Variants in EMID1 observed in about 807,000 individuals in gnomAD.
The protein encoded by EMID1 is EMI domain containing 1.
EMID1 carries 40 observed loss-of-function variants against 60.6 expected under a neutral mutation model. The ratio of observed to expected loss-of-function variants is 0.66; its 90% confidence interval spans 0.51 to 0.86. The LOEUF (loss-of-function observed/expected upper bound fraction) is 0.86. EMID1 is among the 40% of genes least tolerant of loss of function. EMID1 has a pLI of 0.00. For synonymous variants in EMID1, 242 were observed against 231.0 expected (o/e 1.05, Z -0.43); for missense variants, 585 against 597.1 (o/e 0.98, Z 0.21).
chr22:29,206,036 A>T lies in EMID1; in HGVS notation c.-3A>T. 8.2e-7 allele frequency: 1 copy of T among 1,224,270 alleles called. No individual in the cohort carries two copies. The highest frequency in any genetic ancestry group is 1.0e-6 in the Non-Finnish European group (1 of 983,120). The allele number at this position is 1,224,270 out of a possible 1,614,324, so 75.8% of individuals were successfully genotyped here. On this transcript the variant is annotated 5_prime_UTR_variant, in exon 1 of 15. Coordinates refer to ENST00000334018, the MANE Select transcript of EMID1 (RefSeq NM_133455.4). ...GCCGCGCGCGGAGGGCGCCTGGTGC[A>T]GCATGGGCGGCCCGCGGGCTTGGGC...
chr22:29,255,202 C>CCCAGG, intron 14 of EMID1: 1 of 734,564 alleles, frequency 1.4e-6, no homozygotes, highest in Non-Finnish European at 2.1e-6. Context: ...CCACCCTCCC[C>CCCAGG]GCTTGGCTCC....
chr22:29,224,159 C>T (rs2040406375), intron 3 of EMID1, among the ~76,000 whole-genome samples: 1 of 152,224 alleles, frequency 6.6e-6, no homozygotes, highest in Non-Finnish European at 1.5e-5. Flanking sequence ...GCCTGGCAGC[C>T]TCCGCTGGGG....
intron 1 of EMID1, among the ~76,000 whole-genome samples, chr22:29,207,487 CTA>C (rs372278941): frequency 5.9e-5 from 9 of 151,872 alleles, no homozygotes; most frequent in African/African-American, 2.2e-4. Context: ...AGGACAGAGA[CTA>C]TGAACTCAGA....
chr22:29,212,664 A>G (rs1428730126), intron 1 of EMID1, among the ~76,000 whole-genome samples: 1 of 151,796 alleles, frequency 6.6e-6, no homozygotes, highest in African/African-American at 2.4e-5. Context: ...CCCAGATTCA[A>G]GCAATTCTCC....
intron 14 of EMID1, among the ~76,000 whole-genome samples, chr22:29,257,652 G>C (rs1334925564): frequency 6.6e-6 from 1 of 152,308 alleles, no homozygotes; most frequent in South Asian, 2.1e-4. Context: ...GGGTGGAAGC[G>C]ACACCAACCT....
At chr22:29,257,061 C>T (rs1229541984) in intron 14 of EMID1, among the ~76,000 whole-genome samples, 1 of 152,152 alleles carries the variant, frequency 6.6e-6, no homozygotes, top group Non-Finnish European at 1.5e-5. Context: ...CACATTTGAG[C>T]CACCATGTCC....
At chr22:29,234,679 T>G (rs1302404215) in intron 12 of EMID1, among the ~76,000 whole-genome samples, 1 of 152,230 alleles carries the variant, frequency 6.6e-6, no homozygotes, top group Non-Finnish European at 1.5e-5. Context: ...GCTTTACGTA[T>G]TTTGAGTCTT....
At position 29,247,482 on chromosome 22, in the gene EMID1, A is replaced by G. The variant is rs193021761; in HGVS notation, c.1119+3993A>G. 3.8e-3 allele frequency among the ~76,000 whole-genome samples: 572 copies of G among 152,374 alleles called. 1 individual carries two copies. The highest frequency in any genetic ancestry group is 6.2e-3 in the Non-Finnish European group (419 of 68,040). On this transcript the variant is annotated intron_variant, in intron 13 of 14. Coordinates refer to ENST00000334018, the MANE Select transcript of EMID1 (RefSeq NM_133455.4). The stretch of plus-strand genomic sequence containing the variant: ...ATAGCCTACAACACACCTCAGCTGT[A>G]TGGTGTAGCCAATTGCTCCCAGGCT...
At chr22:29,240,443 C>T (rs2041113039) in intron 12 of EMID1, among the ~76,000 whole-genome samples, 1 of 152,054 alleles carries the variant, frequency 6.6e-6, no homozygotes, top group African/African-American at 2.4e-5. Context: ...CCCTCGTGGC[C>T]TTTGGAACAC....
chr22:29,206,606 C>G (rs2039666647), intron 1 of EMID1, among the ~76,000 whole-genome samples: 2 of 152,180 alleles, frequency 1.3e-5, no homozygotes, highest in Admixed American at 1.3e-4. Context: ...TGGAGTCTCA[C>G]AGCCCAGTGG....
Position 29,239,939 on chromosome 22 carries a change from G to T in EMID1, c.1075-3506G>T, listed in dbSNP as rs549833187. Among the ~76,000 whole-genome samples, 19 of 119,728 alleles carry T rather than the reference G, an allele frequency of 1.6e-4. No homozygotes were observed. In the South Asian group the frequency reaches 3.9e-3, roughly 25 times the overall value. The allele number at this position is 119,728 out of a possible 152,430, so 78.5% of individuals were successfully genotyped here. A position where few individuals can be genotyped will look rare whatever the true frequency, so the allele number is the denominator to read the frequency against. ...CACACCCAGCTAATCAACCTCCCAA[G>T]CAGCTGGGACTACAGGCGCCCGCCA... On this transcript the variant is annotated intron_variant, in intron 12 of 14. Coordinates refer to ENST00000334018, the MANE Select transcript of EMID1 (RefSeq NM_133455.4).
At chr22:29,208,853 GAAC>G (rs1431159139) in intron 1 of EMID1, among the ~76,000 whole-genome samples, 2 of 152,208 alleles carry the variant, frequency 1.3e-5, no homozygotes, top group African/African-American at 4.8e-5. Flanking sequence ...GAACAGGAAT[GAAC>G]AATAGCTGTT....
intron 1 of EMID1, among the ~76,000 whole-genome samples, chr22:29,209,173 TACAGAG>T (rs1379316640): frequency 3.3e-5 from 5 of 152,156 alleles, no homozygotes; most frequent in African/African-American, 1.2e-4. Context: ...CCCTGGGCCC[TACAGAG>T]ACAAAGTCCC....
At chr22:29,244,676 TC>T (rs2041269819) in intron 13 of EMID1, among the ~76,000 whole-genome samples, 1 of 150,820 alleles carries the variant, frequency 6.6e-6, no homozygotes, top group African/African-American at 2.4e-5. Flanking sequence ...ATAGAAACCT[TC>T]ACAATCATTG....
Position 29,241,412 on chromosome 22 carries a change from G to A in EMID1, c.1075-2033G>A, listed in dbSNP as rs565871392. ...TCTAAGGTCTTTTTATTTTCGAGATGACTCTCGCCCTTGTCCCCTAGGCTG... is the reference window on the plus strand; with the variant it reads ...TCTAAGGTCTTTTTATTTTCGAGATAACTCTCGCCCTTGTCCCCTAGGCTG... On this transcript the variant is annotated intron_variant, in intron 12 of 14. Coordinates refer to ENST00000334018, the MANE Select transcript of EMID1 (RefSeq NM_133455.4). 3.9e-5 allele frequency among the ~76,000 whole-genome samples: 6 copies of A among 152,218 alleles called. No individual in the cohort carries two copies. In the East Asian group the frequency reaches 1.2e-3, roughly 29 times the overall value.
Position 29,234,289 on chromosome 22 carries a change from C to T in EMID1, c.1030-16C>T, listed in dbSNP as rs1363388644. Reference sequence around the variant, plus strand: ...CCTCAACAGCTGACGCCATTCGTCTCCTCCCTCTTACACAGGGACTGCGTG... The same window carrying T: ...CCTCAACAGCTGACGCCATTCGTCTTCTCCCTCTTACACAGGGACTGCGTG... On this transcript the variant is annotated splice_polypyrimidine_tract_variant and intron_variant, in intron 11 of 14. Coordinates refer to ENST00000334018, the MANE Select transcript of EMID1 (RefSeq NM_133455.4). 4.3e-6 allele frequency: 7 copies of T among 1,612,870 alleles called. No homozygotes were observed. The highest frequency in any genetic ancestry group is 1.6e-4 in the Middle Eastern group (1 of 6,076).
chr22:29,231,519 G>T (rs1219065972), intron 6 of EMID1, 74 bp from the exon 7 acceptor site: 1 of 1,469,318 alleles, frequency 6.8e-7, no homozygotes. Flanking sequence ...GTAGATGCTG[G>T]TTGGGGGGCT....
At chr22:29,244,043 G>A (rs1212752930) in intron 13 of EMID1, among the ~76,000 whole-genome samples, 3 of 152,172 alleles carry the variant, frequency 2.0e-5, no homozygotes, top group South Asian at 4.1e-4. Context: ...GTGAAGAGAC[G>A]CCTCGAAACT....
intron 1 of EMID1, among the ~76,000 whole-genome samples, chr22:29,207,738 T>G (rs141858478): frequency 3.8e-4 from 58 of 152,316 alleles, no homozygotes; most frequent in African/African-American, 1.1e-3. Flanking sequence ...GCAACACTAT[T>G]GCACCCATTG....
Sources: gnomAD v4.1 joint callset for allele counts (sites outside exome capture counted in the v4.1 genomes callset) on GRCh38, gnomAD v4.1.1 for gene constraint, MANE v1.5 for transcripts, NCBI Gene and HGNC (gene_info 2026-07-23, HGNC 2026-07-21) for gene names.